The following XRN1 variants were observed in gnomAD, a reference collection of about 807,000 sequenced individuals.
XRN1 encodes the protein strand-exchange protein 1 homolog.
Under a neutral mutation model 222.3 loss-of-function variants are expected in XRN1, and 67 were observed. The ratio of observed to expected loss-of-function variants is 0.30; its 90% CI spans 0.25 to 0.37. The LOEUF (loss-of-function observed/expected upper bound fraction) is 0.37, where lower values mean the gene tolerates loss of function less well. Among genes scored for constraint, XRN1 ranks in the 10% least tolerant of loss-of-function variants. The pLI is 1.00. For synonymous variants in XRN1, 643 were observed against 652.4 expected (o/e 0.99, Z 0.22); for missense variants, 1,707 against 2,000.2 (o/e 0.85, Z 2.80).
chr3:142,398,943 A>G (rs1279750617), intron 19 of XRN1, among the ~76,000 whole-genome samples: 3 of 152,158 alleles, frequency 2.0e-5, no homozygotes, highest in Non-Finnish European at 4.4e-5. Flanking sequence ...ACATAATACC[A>G]TTCATACTCA....
rs1007399303 is a variant in XRN1 at position 142,332,356 on chromosome 3, T to C, written c.4222+19A>G. 3 of 1,513,886 alleles carry C rather than the reference T, an allele frequency of 2.0e-6. No individual in the cohort carries two copies. Among genetic ancestry groups the C allele is most frequent in the Admixed American group, 1.9e-5 (1 of 53,396 alleles). The allele number at this position is 1,513,886 out of a possible 1,614,324, so 93.8% of individuals were successfully genotyped here. ...ATTTTTAAAATGATATTATTGGTAA[T>C]AGTATTTAGTTTACTTACCTAATTT... On this transcript the variant is annotated intron_variant, in intron 36 of 40. Transcript: ENST00000392981.
intron 22 of XRN1, among the ~76,000 whole-genome samples, chr3:142,381,015 CAAA>C (rs10709053): frequency 2.9e-5 from 4 of 139,970 alleles, no homozygotes; most frequent in Non-Finnish European, 3.1e-5. Flanking sequence ...CAAAAAGTTG[CAAA>C]AAAAAAAAAA....
intron 20 of XRN1, among the ~76,000 whole-genome samples, chr3:142,388,929 C>T (rs1034657454): frequency 2.6e-5 from 4 of 152,260 alleles, no homozygotes; most frequent in African/African-American, 4.8e-5. Flanking sequence ...TACTCTTGGC[C>T]GGGTGCATTG....
At chr3:142,421,370 A>C in intron 9 of XRN1, 106 bp downstream of exon 9, 1 of 970,074 alleles carries the variant, frequency 1.0e-6, no homozygotes, top group Non-Finnish European at 1.5e-6. Context: ...TTGAATAAGC[A>C]ATTGGAATAG....
intron 30 of XRN1, among the ~76,000 whole-genome samples, chr3:142,359,256 C>T (rs2066551584): frequency 6.6e-6 from 1 of 152,146 alleles, no homozygotes; most frequent in Non-Finnish European, 1.5e-5. Context: ...TTTCTCCTTT[C>T]CTTTATAGTC....
At chr3:142,434,322 T>G (rs2069769672) in intron 1 of XRN1, among the ~76,000 whole-genome samples, 1 of 151,814 alleles carries the variant, frequency 6.6e-6, no homozygotes, top group African/African-American at 2.4e-5. Context: ...ATTTCATATC[T>G]TTTTCACACG....
intron 2 of XRN1, among the ~76,000 whole-genome samples, chr3:142,432,265 A>AT (rs2108165660): frequency 7.4e-6 from 1 of 135,004 alleles, no homozygotes; most frequent in African/African-American, 2.8e-5. Flanking sequence ...ATATATATAT[A>AT]AAAAATTAGC....
intron 30 of XRN1, among the ~76,000 whole-genome samples, chr3:142,358,593 G>A (rs939163930): frequency 5.3e-5 from 8 of 152,106 alleles, no homozygotes; most frequent in Admixed American, 4.6e-4. Context: ...CCCTTACTAG[G>A]AGAGGGGGGA....
chr3:142,313,225 T>G (rs1426825067), intron 39 of XRN1: 11 of 1,560,526 alleles, frequency 7.0e-6, no homozygotes, highest in African/African-American at 1.4e-5. Context: ...CACCTTCATA[T>G]GACAGGTAGA....
intron 10 of XRN1, chr3:142,420,170 A>C (rs2068952312): frequency 6.6e-6 from 1 of 152,156 alleles, no homozygotes; most frequent in South Asian, 2.1e-4. Context: ...CATTGTTTTA[A>C]AATAACAATT....
intron 27 of XRN1, among the ~76,000 whole-genome samples, chr3:142,368,117 T>A (rs1487877311): frequency 6.6e-6 from 1 of 150,820 alleles, no homozygotes; most frequent in East Asian, 1.9e-4. Context: ...TGTATTTATA[T>A]AAACATTTAA....
intron 34 of XRN1, 104 bp from the exon 35 acceptor site, chr3:142,333,193 C>A: frequency 7.7e-7 from 1 of 1,294,996 alleles, no homozygotes; most frequent in Non-Finnish European, 1.0e-6. Context: ...TTCACTCAAT[C>A]ATCTTCCCAG....
intron 20 of XRN1, among the ~76,000 whole-genome samples, chr3:142,387,659 T>C (rs945431639): frequency 6.6e-6 from 1 of 152,204 alleles, no homozygotes; most frequent in African/African-American, 2.4e-5. Flanking sequence ...TGTATATATC[T>C]ACTATGGTTT....
chr3:142,431,934 TG>T (rs2069599146), intron 2 of XRN1, among the ~76,000 whole-genome samples: 1 of 80,134 alleles, frequency 1.2e-5, no homozygotes, highest in Admixed American at 2.0e-4. Context: ...TATAATATAT[TG>T]TATATATTAT....
At chr3:142,392,431 G>C (rs6786320) in intron 20 of XRN1, among the ~76,000 whole-genome samples, 69,834 of 151,660 alleles carry the variant, frequency 0.46, 16,634 homozygotes, top group African/African-American at 0.6. Context: ...GCACCCACTC[G>C]TCATCTAGCA....
At chr3:142,363,376 C>T (rs761452894) in intron 29 of XRN1, among the ~76,000 whole-genome samples, 7 of 151,864 alleles carry the variant, frequency 4.6e-5, no homozygotes, top group South Asian at 4.1e-4. Flanking sequence ...ACTATACTAA[C>T]GGGGACAGCA....
At chr3:142,346,592 T>C (rs1251781446) in intron 33 of XRN1, among the ~76,000 whole-genome samples, 2 of 152,004 alleles carry the variant, frequency 1.3e-5, no homozygotes, top group African/African-American at 2.4e-5. Flanking sequence ...GCAATCCTTC[T>C]ACCTCAGCCT....
At chr3:142,323,648 C>T (rs1577218310) in intron 37 of XRN1, among the ~76,000 whole-genome samples, 1 of 152,086 alleles carries the variant, frequency 6.6e-6, no homozygotes, top group Admixed American at 6.5e-5. Flanking sequence ...GAGAATCTAG[C>T]TTCTCCTATT....
chr3:142,374,198 C>T (rs1405698726), intron 25 of XRN1, among the ~76,000 whole-genome samples: 3 of 151,956 alleles, frequency 2.0e-5, no homozygotes, highest in Admixed American at 6.6e-5. Flanking sequence ...GGAAGGAATC[C>T]TATATGGCAG....
Sources: gnomAD v4.1 joint callset for allele counts (sites outside exome capture counted in the v4.1 genomes callset) on GRCh38, gnomAD v4.1.1 for gene constraint, MANE v1.5 for transcripts, NCBI Gene and HGNC (gene_info 2026-07-23, HGNC 2026-07-21) for gene names.